Variants in TAFA1 observed in about 807,000 individuals in gnomAD.
The protein encoded by TAFA1 is TAFA chemokine like family member 1.
Under a neutral mutation model 18.5 loss-of-function variants are expected in TAFA1, and 4 were observed. That is an observed-to-expected ratio of 0.22 (90% CI 0.11 to 0.49). TAFA1 has a LOEUF of 0.49. TAFA1 is among the 20% of genes least tolerant of loss of function. The probability of loss-of-function intolerance (pLI) is 0.98; values close to 1 mark genes in which losing one functional copy is unlikely to be tolerated. For synonymous variants in TAFA1, 56 were observed against 55.2 expected, an observed-to-expected ratio of 1.01 and a Z score of -0.06; for missense variants, 147 against 169.0, an observed-to-expected ratio of 0.87 and a Z score of 0.72.
At chr3:68,389,383 AT>A (rs11443067) in intron 2 of TAFA1, among the ~76,000 whole-genome samples, 36 of 152,132 alleles carry the variant, frequency 2.4e-4, no homozygotes, top group African/African-American at 7.7e-4. Flanking sequence ...TAACTGTCCC[AT>A]TTTTTCTATT....
intron 2 of TAFA1, among the ~76,000 whole-genome samples, chr3:68,050,556 T>G (rs1440189179): frequency 6.6e-6 from 1 of 152,148 alleles, no homozygotes; most frequent in East Asian, 1.9e-4. Context: ...CAAAAGTACC[T>G]GACATATAGT....
chr3:68,401,619 C>T (rs1433922530), intron 2 of TAFA1, among the ~76,000 whole-genome samples: 1 of 152,218 alleles, frequency 6.6e-6, no homozygotes, highest in Non-Finnish European at 1.5e-5. Context: ...TCGTCAGTAA[C>T]ACTTAGAGGA....
chr3:68,464,561 C>T (rs777567025), intron 3 of TAFA1, among the ~76,000 whole-genome samples: 15 of 151,950 alleles, frequency 9.9e-5, no homozygotes, highest in African/African-American at 2.7e-4. Context: ...TGAAAGGAGA[C>T]GGTGGCATGA....
intron 2 of TAFA1, among the ~76,000 whole-genome samples, chr3:68,135,197 G>T (rs2065592716): frequency 6.6e-6 from 1 of 152,144 alleles, no homozygotes; most frequent in Admixed American, 6.5e-5. Context: ...ATATCTGTCA[G>T]AGAGCCTGGA....
intron 2 of TAFA1, among the ~76,000 whole-genome samples, chr3:68,323,212 C>T (rs1337353983): frequency 1.3e-5 from 2 of 152,176 alleles, no homozygotes; most frequent in Non-Finnish European, 2.9e-5. Context: ...TAAACATATT[C>T]CAGGGAGAAC....
At chr3:68,417,905 T>C (rs1168774742) in intron 3 of TAFA1, among the ~76,000 whole-genome samples, 1 of 151,354 alleles carries the variant, frequency 6.6e-6, no homozygotes, top group African/African-American at 2.4e-5. Context: ...AAGGGGGAGG[T>C]ACTACACAAT....
chr3:68,138,634 T>C (rs915000449), intron 2 of TAFA1, among the ~76,000 whole-genome samples: 2 of 152,200 alleles, frequency 1.3e-5, no homozygotes, highest in Non-Finnish European at 2.9e-5. Flanking sequence ...TATGAGCTGA[T>C]GGAACATGAG....
chr3:68,363,266 G>C (rs562339870), intron 2 of TAFA1, among the ~76,000 whole-genome samples: 1 of 152,262 alleles, frequency 6.6e-6, no homozygotes, highest in South Asian at 2.1e-4. Context: ...GTGAATGAAT[G>C]AGAGCGGCAC....
intron 2 of TAFA1, among the ~76,000 whole-genome samples, chr3:68,030,361 C>A (rs1425412127): frequency 6.6e-6 from 1 of 151,924 alleles, no homozygotes; most frequent in Non-Finnish European, 1.5e-5. Flanking sequence ...GTTTCCTGCA[C>A]CCATCAACCC....
At chr3:68,248,412 G>A (rs2067126951) in intron 2 of TAFA1, among the ~76,000 whole-genome samples, 1 of 152,074 alleles carries the variant, frequency 6.6e-6, no homozygotes, top group African/African-American at 2.4e-5. Flanking sequence ...CCTTAGGCTT[G>A]ATGTTTCTAG....
At chr3:68,405,433 A>G (rs2070580378) in intron 2 of TAFA1, among the ~76,000 whole-genome samples, 1 of 151,718 alleles carries the variant, frequency 6.6e-6, no homozygotes, top group Non-Finnish European at 1.5e-5. Flanking sequence ...GGATCACATG[A>G]GAATGGGAGG....
At chr3:68,358,618 C>A (rs1163063838) in intron 2 of TAFA1, among the ~76,000 whole-genome samples, 1 of 151,950 alleles carries the variant, frequency 6.6e-6, no homozygotes, top group African/African-American at 2.4e-5. Context: ...TGTCTTTCCC[C>A]CATACCGCAA....
At chr3:68,408,677 G>A (rs116195387) in intron 2 of TAFA1, among the ~76,000 whole-genome samples, 1,591 of 150,898 alleles carry the variant, frequency 0.011, 39 homozygotes, top group African/African-American at 0.037. Flanking sequence ...TTTAGTAAAT[G>A]TGTGACTGCC....
In TAFA1 at chr3:68,524,839, T is replaced by G. The variant is rs77302594; in HGVS notation, c.260-13917T>G. On this transcript the variant is annotated intron_variant, in intron 3 of 4. Coordinates refer to ENST00000478136, the MANE Select transcript of TAFA1 (RefSeq NM_213609.4). ...GCGCCCGCCACCACCCCCTGCTAATTTTTTTGTATTTTTAGTAGAGACAGG... is the reference window on the plus strand; with the variant it reads ...GCGCCCGCCACCACCCCCTGCTAATGTTTTTGTATTTTTAGTAGAGACAGG... 6.5e-3 allele frequency among the ~76,000 whole-genome samples: 990 copies of G among 151,990 alleles called. 12 individuals carry two copies. The highest frequency in any genetic ancestry group is 0.022 in the African/African-American group (926 of 41,446).
chr3:68,392,408 A>G (rs1450295195), intron 2 of TAFA1, among the ~76,000 whole-genome samples: 1 of 152,146 alleles, frequency 6.6e-6, no homozygotes. Flanking sequence ...ACACAATAAT[A>G]GAGGGAGACT....
intron 2 of TAFA1, among the ~76,000 whole-genome samples, chr3:68,283,362 C>G (rs1318271510): frequency 6.6e-6 from 1 of 152,154 alleles, no homozygotes; most frequent in African/African-American, 2.4e-5. Context: ...ATATGTATTA[C>G]TGTTTTGGAT....
At chr3:68,285,291 T>G (rs2067975797) in intron 2 of TAFA1, among the ~76,000 whole-genome samples, 1 of 152,144 alleles carries the variant, frequency 6.6e-6, no homozygotes, top group Non-Finnish European at 1.5e-5. Flanking sequence ...TGTAGGGACA[T>G]AAAGGAACTT....
At chr3:68,033,650 T>G (rs964783922) in intron 2 of TAFA1, among the ~76,000 whole-genome samples, 1 of 152,208 alleles carries the variant, frequency 6.6e-6, no homozygotes, top group African/African-American at 2.4e-5. Context: ...AGATATTTAC[T>G]TATTAAGGAA....
intron 2 of TAFA1, among the ~76,000 whole-genome samples, chr3:68,182,078 A>G (rs2066209233): frequency 6.6e-6 from 1 of 152,080 alleles, no homozygotes; most frequent in Non-Finnish European, 1.5e-5. Flanking sequence ...TGTGGGTGGC[A>G]CACGCTTGCA....
Sources: gnomAD v4.1 joint callset for allele counts (sites outside exome capture counted in the v4.1 genomes callset) on GRCh38, gnomAD v4.1.1 for gene constraint, MANE v1.5 for transcripts, NCBI Gene and HGNC (gene_info 2026-07-23, HGNC 2026-07-21) for gene names.